The following RYR2 variants were observed in gnomAD, a reference collection of about 807,000 sequenced individuals.
The protein encoded by RYR2 is ryanodine receptor 2, also known as cardiac muscle ryanodine receptor-calcium release channel.
RYR2 carries 227 observed loss-of-function variants against 601.1 expected under a neutral mutation model. That is an observed-to-expected ratio of 0.38 (90% confidence interval 0.34 to 0.42). The LOEUF is 0.42. Among genes scored for constraint, RYR2 ranks in the 10% least tolerant of loss-of-function variants. The pLI is 1.00. For missense variants in RYR2, 4,646 were observed against 6,156.5 expected (o/e 0.75, Z 8.21); for synonymous variants, 2,223 against 2,175.1 (o/e 1.02, Z -0.61).
intron 98 of RYR2, among the ~76,000 whole-genome samples, chr1:237,804,141 C>A (rs564118405): frequency 6.6e-6 from 1 of 152,122 alleles, no homozygotes; most frequent in Non-Finnish European, 1.5e-5. Context: ...AAACCGTTAT[C>A]CTTCTCATGG....
chr1:237,446,772 A>G (rs146590245), intron 14 of RYR2, among the ~76,000 whole-genome samples: 46 of 152,296 alleles, frequency 3.0e-4, no homozygotes, highest in African/African-American at 1.1e-3. Context: ...GATGCAGTAA[A>G]GCTTAAATCG....
At chr1:237,623,695 C>A (rs1355947346) in intron 38 of RYR2, 70 bp from the exon 39 acceptor site, 15 of 998,912 alleles carry the variant, frequency 1.5e-5, no homozygotes, top group South Asian at 2.8e-5. Context: ...CCCGGCCCTG[C>A]TGTGCCATTC....
chr1:237,779,225 G>A (rs1011255585), intron 88 of RYR2, among the ~76,000 whole-genome samples: 3 of 152,074 alleles, frequency 2.0e-5, no homozygotes, highest in African/African-American at 7.2e-5. Flanking sequence ...CCTAACCAGT[G>A]TATTTAATTT....
At position 237,625,486 on chromosome 1, in the gene RYR2, G is replaced by A. The variant is rs6683048; in HGVS notation, c.6023-175G>A. ...AACAAAAAGAGAGAGGAAGAAAAGA[G>A]GCTGACCAGTGAATGTTATTTATGA... On this transcript the variant is annotated intron_variant, in intron 39 of 104. Transcript: ENST00000366574. Among the ~76,000 whole-genome samples the A allele has an allele frequency of 0.17, 25,526 of 152,068 alleles. 2,581 individuals carry two copies. Among genetic ancestry groups the A allele is most frequent in the African/African-American group, 0.29 (12,170 of 41,466 alleles).
At chr1:237,795,841 T>TATATATATAC (rs1245997957) in intron 96 of RYR2, among the ~76,000 whole-genome samples, 4 of 113,418 alleles carry the variant, frequency 3.5e-5, no homozygotes, top group African/African-American at 1.4e-4. Flanking sequence ...TGTGTGTATA[T>TATATATATAC]ATATATATGT....
intron 1 of RYR2, among the ~76,000 whole-genome samples, chr1:237,095,554 T>A (rs994193121): frequency 2.0e-5 from 3 of 152,192 alleles, no homozygotes; most frequent in Admixed American, 1.3e-4. Flanking sequence ...TCTTTCTCAC[T>A]CAAGGGAAGT....
intron 101 of RYR2, among the ~76,000 whole-genome samples, chr1:237,823,750 T>C (rs906177115): frequency 3.9e-5 from 6 of 152,264 alleles, no homozygotes; most frequent in African/African-American, 1.4e-4. Flanking sequence ...GAGCTGGTGT[T>C]TTGAAAAGAT....
Position 237,088,728 on chromosome 1 carries a change from C to T in RYR2, c.48+46159C>T, listed in dbSNP as rs188046339. Among the ~76,000 whole-genome samples, 17 of 152,258 alleles carry T rather than the reference C, an allele frequency of 1.1e-4. No individual in the cohort carries two copies. The East Asian group carries it at 3.3e-3, about 29-fold the overall frequency. ...GGGGTAATGTTAAGTTTTCTACCTACAAAATACATTCTTTCCAGCCTTGTT... is the reference window on the plus strand; with the variant it reads ...GGGGTAATGTTAAGTTTTCTACCTATAAAATACATTCTTTCCAGCCTTGTT... On this transcript the variant is annotated intron_variant, in intron 1 of 104. Transcript: ENST00000366574.
At chr1:237,570,174 C>T (rs1202175197) in intron 29 of RYR2, among the ~76,000 whole-genome samples, 2 of 148,820 alleles carry the variant, frequency 1.3e-5, no homozygotes, top group Non-Finnish European at 3.0e-5. Context: ...GCAGAGATCA[C>T]GCCATGGCAC....
intron 2 of RYR2, among the ~76,000 whole-genome samples, chr1:237,315,914 T>G (rs2149508321): frequency 6.6e-6 from 1 of 152,288 alleles, no homozygotes; most frequent in African/African-American, 2.4e-5. Flanking sequence ...GACTTAAATT[T>G]TTAAACAGTG....
intron 17 of RYR2, among the ~76,000 whole-genome samples, chr1:237,470,466 T>G (rs1410119959): frequency 5.3e-5 from 8 of 152,078 alleles, no homozygotes; most frequent in Non-Finnish European, 1.0e-4. Context: ...GTTTAGATAG[T>G]GGAGGACAAA....
intron 2 of RYR2, among the ~76,000 whole-genome samples, chr1:237,325,151 G>A (rs1696027137): frequency 6.6e-6 from 1 of 152,172 alleles, no homozygotes; most frequent in African/African-American, 2.4e-5. Flanking sequence ...GTGTTGCGTG[G>A]CAGAACACGT....
At chr1:237,248,511 A>C (rs762410472) in intron 1 of RYR2, among the ~76,000 whole-genome samples, 3 of 152,006 alleles carry the variant, frequency 2.0e-5, no homozygotes, top group Non-Finnish European at 4.4e-5. Context: ...TTCTTTATTC[A>C]TATGAAATTT....
rs542609503 is a variant in RYR2 at position 237,503,521 on chromosome 1, C to T, written c.2613+16C>T. On this transcript the variant is annotated intron_variant, in intron 22 of 104. Transcript: ENST00000366574. ...TACCAGCCAGGTACCAAGATCCACTCGAATGGCAATCACTGGTATTGCAGT... is the reference window on the plus strand; with the variant it reads ...TACCAGCCAGGTACCAAGATCCACTTGAATGGCAATCACTGGTATTGCAGT... 1.2e-4 allele frequency: 187 copies of T among 1,611,286 alleles called. No homozygotes were observed. The South Asian group carries it at 1.9e-3, about 16-fold the overall frequency.
intron 29 of RYR2, among the ~76,000 whole-genome samples, chr1:237,577,983 AAT>A (rs1252323254): frequency 6.6e-6 from 1 of 152,022 alleles, no homozygotes; most frequent in African/African-American, 2.4e-5. Flanking sequence ...TTGTATTTTT[AAT>A]AGAGACGGGG....
At chr1:237,178,711 T>A (rs897550548) in intron 1 of RYR2, among the ~76,000 whole-genome samples, 2 of 151,744 alleles carry the variant, frequency 1.3e-5, no homozygotes, top group African/African-American at 4.8e-5. Context: ...TGGACAGAGG[T>A]GGGAGGATTG....
chr1:237,446,058 G>T (rs771862828), intron 14 of RYR2, among the ~76,000 whole-genome samples: 1 of 152,048 alleles, frequency 6.6e-6, no homozygotes, highest in Admixed American at 6.6e-5. Context: ...CTCATGATCC[G>T]CTCTCCTTGG....
chr1:237,528,329 A>G (rs1410563933), intron 24 of RYR2, among the ~76,000 whole-genome samples: 2 of 152,118 alleles, frequency 1.3e-5, no homozygotes, highest in African/African-American at 4.8e-5. Flanking sequence ...TGTCTAATTC[A>G]TATGTTAAAT....
intron 101 of RYR2, among the ~76,000 whole-genome samples, chr1:237,825,239 G>A (rs140819520): frequency 0.025 from 3,867 of 152,230 alleles, 140 homozygotes; most frequent in African/African-American, 0.087. Flanking sequence ...AAAGCTGGAG[G>A]CATCACACTA....
Sources: gnomAD v4.1 joint callset for allele counts (sites outside exome capture counted in the v4.1 genomes callset) on GRCh38, gnomAD v4.1.1 for gene constraint, MANE v1.5 for transcripts, NCBI Gene and HGNC (gene_info 2026-07-23, HGNC 2026-07-21) for gene names.